ARHGAP15: variants seen among roughly 807,000 people sequenced by gnomAD.
ARHGAP15 encodes Rho GTPase activating protein 15, also known as rho GTPase-activating protein 15.
Under a neutral mutation model 63.7 loss-of-function variants are expected in ARHGAP15, and 51 were observed. The observed-to-expected ratio is 0.80, with a 90% CI of 0.64 to 1.01. The LOEUF is 1.01. Among genes scored for constraint, ARHGAP15 ranks in the 50% least tolerant of loss-of-function variants. The pLI is 0.00. For synonymous variants in ARHGAP15, 191 were observed against 193.8 expected (o/e 0.99, Z 0.12); for missense variants, 560 against 564.6 (o/e 0.99, Z 0.08).
At chr2:143,407,987 GTATATATATATATATATATATATATA>G (rs58194704) in intron 6 of ARHGAP15, among the ~76,000 whole-genome samples, 26,919 of 78,416 alleles carry the variant, frequency 0.34, 4,141 homozygotes, top group Admixed American at 0.49. Context: ...TTCTGTGTGT[GTATATATATATATATATATATATATA>G]TATATATATA....
At chr2:143,320,419 C>CCCGCCCCCCCCG (rs1277831422) in intron 6 of ARHGAP15, among the ~76,000 whole-genome samples, 1 of 106,866 alleles carries the variant, frequency 9.4e-6, no homozygotes, top group Non-Finnish European at 2.0e-5. Flanking sequence ...CCCCCCCCCC[C>CCCGCCCCCCCCG]CCCAGAGATC....
chr2:143,155,504 C>T lies in ARHGAP15; in HGVS notation c.14C>T (p.Thr5Ile), dbSNP rs1690041429. The T allele has an allele frequency of 1.9e-6, 3 of 1,606,828 alleles. No homozygotes were observed. Among genetic ancestry groups the T allele is most frequent in the African/African-American group, 1.3e-5 (1 of 74,374 alleles). Reference sequence around the variant, plus strand: ...TAGCACTATAATATGCAGAAATCTACAAATTCTGATACTTCCGTGGAAACA... The same window carrying T: ...TAGCACTATAATATGCAGAAATCTATAAATTCTGATACTTCCGTGGAAACA... MQKSTNSDTSVETLN... is the reference protein window; with the variant it reads MQKSINSDTSVETLN... The change falls in exon 2 of 14, where the codon ACA becomes ATA. Residue 5 changes from threonine to isoleucine, a missense_variant. Thr to Ile is a moderately conservative substitution (Grantham distance 89). Transcript: ENST00000295095.
At chr2:143,200,011 G>C (rs535688918) in intron 2 of ARHGAP15, among the ~76,000 whole-genome samples, 1 of 152,186 alleles carries the variant, frequency 6.6e-6, no homozygotes, top group African/African-American at 2.4e-5. Flanking sequence ...CTTGGTACCT[G>C]GGAAAAACAA....
chr2:143,531,665 C>G (rs1296545943), intron 10 of ARHGAP15, among the ~76,000 whole-genome samples: 1 of 152,158 alleles, frequency 6.6e-6, no homozygotes, highest in Non-Finnish European at 1.5e-5. Context: ...CTAAAAGTTA[C>G]ACTATAACTC....
chr2:143,504,175 G>C lies in ARHGAP15; in HGVS notation c.827-15091G>C, dbSNP rs777870250. On this transcript the variant is annotated intron_variant, in intron 9 of 13. Coordinates refer to ENST00000295095, the MANE Select transcript of ARHGAP15 (RefSeq NM_018460.4). ...AAGAGTTTGATGAGAAGAAGTGTCT[G>C]TGGCAAGTGTTTTGCACAATCCCAG... Among the ~76,000 whole-genome samples the C allele has an allele frequency of 2.6e-5, 4 of 152,206 alleles. No homozygotes were observed. The South Asian group carries it at 8.3e-4, about 31-fold the overall frequency.
chr2:143,473,954 A>G (rs943731437), intron 8 of ARHGAP15, among the ~76,000 whole-genome samples: 23 of 152,174 alleles, frequency 1.5e-4, no homozygotes, highest in Admixed American at 1.3e-3. Context: ...ACAAGCCTGA[A>G]GAAGACCGAA....
rs1355800737 is a variant in ARHGAP15, at chr2:143,760,418, T to A, written c.1245-7571T>A. On this transcript the variant is annotated intron_variant, in intron 13 of 13. Transcript: ENST00000295095. ...GTTTTGGTTCTGATATTCCATTTTA[T>A]CTGTGGTTGTTATCACCTTACAGAA... Among the ~76,000 whole-genome samples the A allele has an allele frequency of 2.6e-5, 4 of 152,206 alleles. No homozygotes were observed. The East Asian group carries it at 5.8e-4, about 22-fold the overall frequency.
intron 8 of ARHGAP15, 151 bp from the exon 9 acceptor site, chr2:143,487,222 T>A (rs1293056543): frequency 3.5e-6 from 3 of 849,468 alleles, no homozygotes; most frequent in Non-Finnish European, 5.3e-6. Flanking sequence ...TGTGGGCAAA[T>A]TTTACTCACA....
chr2:143,691,183 T>A (rs1230730557), intron 12 of ARHGAP15, among the ~76,000 whole-genome samples: 1 of 152,144 alleles, frequency 6.6e-6, no homozygotes, highest in Non-Finnish European at 1.5e-5. Context: ...TGTATGGCAC[T>A]GTTAGGAGGA....
intron 2 of ARHGAP15, 73 bp from the exon 3 acceptor site, chr2:143,202,061 A>C: frequency 3.5e-6 from 4 of 1,146,462 alleles, no homozygotes; most frequent in Non-Finnish European, 5.3e-6. Flanking sequence ...TGAATTGGTT[A>C]TTTTATGTGT....
chr2:143,233,640 A>G (rs1693532514), intron 5 of ARHGAP15, among the ~76,000 whole-genome samples: 1 of 148,842 alleles, frequency 6.7e-6, no homozygotes, highest in Admixed American at 6.8e-5. Context: ...AATTTCCAAT[A>G]GCTATCTTTT....
intron 6 of ARHGAP15, among the ~76,000 whole-genome samples, chr2:143,389,893 AG>A (rs1293723466): frequency 6.6e-6 from 1 of 152,136 alleles, no homozygotes; most frequent in Non-Finnish European, 1.5e-5. Context: ...TTTCCATAAA[AG>A]CAACTTTGCA....
chr2:143,228,580 G>A lies in ARHGAP15; in HGVS notation c.297-1G>A, dbSNP rs367674606. 7 of 1,597,172 alleles carry A rather than the reference G, an allele frequency of 4.4e-6. No homozygotes were observed. ...TTTCCCTTTTATTTTTTTGTCCTAAGGAAAAACTGGTCTACTTCCTGGATT... is the reference window on the plus strand; with the variant it reads ...TTTCCCTTTTATTTTTTTGTCCTAAAGAAAAACTGGTCTACTTCCTGGATT... On this transcript the variant is annotated splice_acceptor_variant, in intron 4 of 13. Coordinates refer to ENST00000295095, the MANE Select transcript of ARHGAP15 (RefSeq NM_018460.4). LOFTEE classifies it high-confidence loss of function.
intron 6 of ARHGAP15, among the ~76,000 whole-genome samples, chr2:143,332,996 A>G (rs1449440585): frequency 6.6e-6 from 1 of 150,768 alleles, no homozygotes; most frequent in African/African-American, 2.4e-5. Flanking sequence ...AAAAGCTACC[A>G]TTATATTGAG....
intron 9 of ARHGAP15, among the ~76,000 whole-genome samples, chr2:143,498,806 A>G (rs905332311): frequency 3.3e-5 from 5 of 152,136 alleles, no homozygotes; most frequent in Admixed American, 2.0e-4. Context: ...CCTGGGAGGG[A>G]AAGAGGTATT....
At chr2:143,226,436 G>A (rs565045054) in intron 4 of ARHGAP15, among the ~76,000 whole-genome samples, 4 of 152,292 alleles carry the variant, frequency 2.6e-5, no homozygotes, top group Admixed American at 1.3e-4. Context: ...GTGTGTGAGG[G>A]TGTTCTGTAC....
At chr2:143,277,373 G>C (rs1034694856) in intron 6 of ARHGAP15, among the ~76,000 whole-genome samples, 6 of 151,954 alleles carry the variant, frequency 3.9e-5, no homozygotes, top group African/African-American at 1.2e-4. Context: ...GACAGATTCA[G>C]GGACTCATAT....
intron 5 of ARHGAP15, among the ~76,000 whole-genome samples, chr2:143,242,228 A>G (rs920361622): frequency 6.6e-6 from 1 of 152,092 alleles, no homozygotes; most frequent in Non-Finnish European, 1.5e-5. Flanking sequence ...GCCTAGGGGG[A>G]AAGTCTGGTA....
intron 10 of ARHGAP15, chr2:143,533,258 A>G (rs750691321): frequency 2.0e-5 from 3 of 152,230 alleles, no homozygotes; most frequent in African/African-American, 4.8e-5. Flanking sequence ...GGCAGGTAAC[A>G]TGATTAACGT....
Sources: allele counts gnomAD v4.1 joint callset (sites outside exome capture counted in the v4.1 genomes callset), GRCh38; gene constraint gnomAD v4.1.1; transcripts MANE v1.5; gene names NCBI Gene and HGNC (gene_info 2026-07-23, HGNC 2026-07-21).